Variants in RABEPK observed in about 807,000 individuals in gnomAD.
The protein encoded by RABEPK is Rab9 effector protein with kelch motifs.
RABEPK carries 27 observed loss-of-function variants against 34.1 expected under a neutral mutation model. The observed-to-expected ratio is 0.79, with a 90% confidence interval of 0.58 to 1.09. RABEPK has a LOEUF of 1.09. Among genes scored for constraint, RABEPK ranks in the 50% least tolerant of loss-of-function variants. The probability of loss-of-function intolerance (pLI) is 0.00; values close to 1 mark genes in which losing one functional copy is unlikely to be tolerated. For synonymous variants in RABEPK, 172 were observed against 169.2 expected (o/e 1.02, Z -0.13); for missense variants, 449 against 462.6 (o/e 0.97, Z 0.27).
intron 5 of RABEPK, among the ~76,000 whole-genome samples, chr9:125,222,573 G>A (rs768903473): frequency 1.3e-5 from 2 of 151,580 alleles, no homozygotes; most frequent in Non-Finnish European, 2.9e-5. Flanking sequence ...AATTAACTGG[G>A]CGTGGTGACG....
chr9:125,213,572 T>C (rs748037198), intron 4 of RABEPK, 50 bp downstream of exon 4: 2 of 1,430,694 alleles, frequency 1.4e-6, no homozygotes, highest in South Asian at 1.2e-5. Flanking sequence ...TAAACTTTCA[T>C]GCACACACAC....
Position 125,200,760 on chromosome 9 carries a change from C to T in RABEPK, c.-153C>T, listed in dbSNP as rs1442904382. Reference sequence around the variant, plus strand: ...ACCGAATCAGCCTGTTCTTTCCCGACCCCGTCTCCTATCCCCTAGAACTGC... The same window carrying T: ...ACCGAATCAGCCTGTTCTTTCCCGATCCCGTCTCCTATCCCCTAGAACTGC... On this transcript the variant is annotated 5_prime_UTR_variant, in exon 1 of 8. Transcript: ENST00000373538. 4.2e-6 allele frequency: 2 copies of T among 471,118 alleles called. No homozygotes were observed. The highest frequency in any genetic ancestry group is 8.8e-6 in the Non-Finnish European group (2 of 227,078). 29.2% of individuals were successfully genotyped at this position (471,118 alleles called of 1,614,324 possible). A position where few individuals can be genotyped will look rare whatever the true frequency, so the allele number is the denominator to read the frequency against.
At chr9:125,204,908 G>A (rs182585105) in intron 2 of RABEPK, among the ~76,000 whole-genome samples, 130 of 152,192 alleles carry the variant, frequency 8.5e-4, no homozygotes, top group Non-Finnish European at 1.6e-3. Flanking sequence ...GCTCATTATA[G>A]CCTCGACCTC....
intron 3 of RABEPK, among the ~76,000 whole-genome samples, chr9:125,212,532 A>G (rs1462338452): frequency 2.0e-5 from 3 of 151,844 alleles, no homozygotes; most frequent in Non-Finnish European, 4.4e-5. Context: ...GTTAGGTATT[A>G]CTATTCTGTG....
At chr9:125,201,892 G>A (rs111810394) in intron 1 of RABEPK, among the ~76,000 whole-genome samples, 63,923 of 150,178 alleles carry the variant, frequency 0.43, 13,985 homozygotes, top group African/African-American at 0.46. Context: ...GATTACAGGC[G>A]TGAGCCACTG....
chr9:125,232,659 C>G lies in RABEPK; in HGVS notation c.740C>G (p.Ser247Ter). The G allele has an allele frequency of 3.1e-6, 5 of 1,614,118 alleles. No homozygotes were observed. Among genetic ancestry groups the G allele is most frequent in the Non-Finnish European group, 4.2e-6 (5 of 1,179,938 alleles). Residue 247 changes from serine (S) to a stop codon, truncating the protein, a stop_gained, in exon 7 of 8, where the codon TCA becomes TGA. Transcript: ENST00000373538. LOFTEE classifies it high-confidence loss of function. ...GCTCCAGCAGGCTGTGCTGCCCACT[C>G]AGCTGTGGCCATGGGAAAACATGTG... ...GAAPAGCAAH[S>*]AVAMGKHVYI...
rs983390613 is a variant in RABEPK, at chr9:125,207,591, C to T, written c.81C>T (p.Ser27=). ...TWYTLTVPGD[S]PCARVGHSCS... ...ACACCTTGACTGTCCCTGGAGACAG[C>T]CCCTGTGCTCGAGTTGGCCACAGCT... The change falls in exon 3 of 8, where the codon AGC becomes AGT. Residue 27 remains serine, a synonymous_variant. Coordinates refer to ENST00000373538, the MANE Select transcript of RABEPK (RefSeq NM_005833.4). 6.2e-7 allele frequency: 1 copy of T among 1,613,918 alleles called. No homozygotes were observed. Among genetic ancestry groups the T allele is most frequent in the African/African-American group, 1.3e-5 (1 of 74,918 alleles).
At chr9:125,229,267 A>T (rs1266921644) in intron 6 of RABEPK, among the ~76,000 whole-genome samples, 1 of 150,752 alleles carries the variant, frequency 6.6e-6, no homozygotes, top group African/African-American at 2.4e-5. Flanking sequence ...AAAAAAAAGA[A>T]AAAAAGAAAA....
Position 125,227,922 on chromosome 9 carries a change from G to A in RABEPK, c.539G>A (p.Trp180Ter), listed in dbSNP as rs763615704. The part of the protein sequence containing the change: ...LHVFDANTLT[W>*]SQPETLGNPP... The stretch of plus-strand genomic sequence containing the variant: ...TTTACTTTTCTAGACACTCTGACCT[G>A]GTCACAGCCAGAGACACTTGGAAAT... Residue 180 changes from tryptophan (W) to a stop codon, truncating the protein, a stop_gained, in exon 6 of 8, where the codon TGG becomes TAG. Transcript: ENST00000373538. LOFTEE classifies it high-confidence loss of function. The A allele has an allele frequency of 6.3e-7, 1 of 1,594,900 alleles. No individual in the cohort carries two copies. Among genetic ancestry groups the A allele is most frequent in the South Asian group, 1.1e-5 (1 of 88,490 alleles).
At position 125,207,712 on chromosome 9, in the gene RABEPK, A is replaced by G. The variant is rs1195159644; in HGVS notation, c.202A>G (p.Met68Val). 1.2e-5 allele frequency: 20 copies of G among 1,614,122 alleles called. No homozygotes were observed. The Middle Eastern group carries it at 6.6e-4, about 53-fold the overall frequency. Reference sequence around the variant, plus strand: ...CAGAAGCTTCTCAGACGTGCACACCATGGATCTGGGTAAGATCAGCAGCTG... The same window carrying G: ...CAGAAGCTTCTCAGACGTGCACACCGTGGATCTGGGTAAGATCAGCAGCTG... ...PNRSFSDVHT[M>V]DLGKHQWDLD... is the part of the protein sequence containing the mutation. The change falls in exon 3 of 8, where the codon ATG becomes GTG. Residue 68 changes from methionine to valine, a missense_variant. Transcript: ENST00000373538.
At chr9:125,213,594 T>A (rs1830728050) in intron 4 of RABEPK, 72 bp downstream of exon 4, 1 of 1,249,440 alleles carries the variant, frequency 8.0e-7, no homozygotes, top group Non-Finnish European at 1.1e-6. Context: ...CACATATATA[T>A]AAATCCAATT....
intron 4 of RABEPK, among the ~76,000 whole-genome samples, chr9:125,214,334 C>T (rs994574587): frequency 6.6e-6 from 1 of 151,928 alleles, no homozygotes; most frequent in Non-Finnish European, 1.5e-5. Context: ...GGGTAGAGGC[C>T]AGATATGCTG....
chr9:125,228,215 C>T (rs1306759865), intron 6 of RABEPK, among the ~76,000 whole-genome samples, 156 bp downstream of exon 6: 4 of 152,154 alleles, frequency 2.6e-5, no homozygotes, highest in Admixed American at 2.0e-4. Flanking sequence ...CCTACCTCAT[C>T]CTCCGCAGTA....
intron 6 of RABEPK, among the ~76,000 whole-genome samples, chr9:125,230,089 G>C (rs764326400): frequency 6.6e-6 from 1 of 151,988 alleles, no homozygotes; most frequent in Non-Finnish European, 1.5e-5. Flanking sequence ...TCAGCCTCCC[G>C]GGTAGCTGGG....
chr9:125,202,103 T>A (rs964523710), intron 1 of RABEPK, among the ~76,000 whole-genome samples: 1 of 151,878 alleles, frequency 6.6e-6, no homozygotes, highest in South Asian at 2.1e-4. Context: ...AGTCCCAGCT[T>A]ACTCTGGAGG....
Position 125,220,609 on chromosome 9 carries a change from G to T in RABEPK, c.435G>T (p.Ser145=). The change falls in exon 5 of 8, where the codon TCG becomes TCT. Residue 145 remains serine, a synonymous_variant. Coordinates refer to ENST00000373538, the MANE Select transcript of RABEPK (RefSeq NM_005833.4). ...PPSPRTFHTS[S]AAIGNQLYVF... The stretch of plus-strand genomic sequence containing the variant: ...CCCCAAGAACATTCCACACATCATC[G>T]GCAGCCATTGGAAACCAGCTATATG... 3 of 1,614,166 alleles carry T rather than the reference G, an allele frequency of 1.9e-6. No homozygotes were observed. The highest frequency in any genetic ancestry group is 2.5e-6 in the Non-Finnish European group (3 of 1,180,026).
chr9:125,209,977 A>C (rs867107061), intron 3 of RABEPK, among the ~76,000 whole-genome samples: 2 of 152,086 alleles, frequency 1.3e-5, no homozygotes, highest in African/African-American at 4.8e-5. Flanking sequence ...CGTCTGCCCC[A>C]CAAGAACATA....
At chr9:125,229,305 C>T (rs771633244) in intron 6 of RABEPK, among the ~76,000 whole-genome samples, 16 of 151,526 alleles carry the variant, frequency 1.1e-4, no homozygotes, top group Non-Finnish European at 2.2e-4. Flanking sequence ...TGGTGACAGG[C>T]ACCTGTAGTC....
chr9:125,233,769 G>T lies in RABEPK; in HGVS notation c.908G>T (p.Trp303Leu). The change falls in exon 8 of 8, where the codon TGG becomes TTG. Residue 303 changes from tryptophan to leucine, a missense_variant. Coordinates refer to ENST00000373538, the MANE Select transcript of RABEPK (RefSeq NM_005833.4). ...RLDHSMCIIP[W>L]PVTCASEKED... ...GACCATTCCATGTGTATCATTCCAT[G>T]GCCAGTGACGTGTGCTTCTGAGAAA... is the stretch of plus-strand genomic sequence containing the variant. 1 of 1,613,922 alleles carries T rather than the reference G, an allele frequency of 6.2e-7. No homozygotes were observed. Among genetic ancestry groups the T allele is most frequent in the African/African-American group, 1.3e-5 (1 of 75,010 alleles).
Sources: allele counts gnomAD v4.1 joint callset (sites outside exome capture counted in the v4.1 genomes callset), GRCh38; gene constraint gnomAD v4.1.1; transcripts MANE v1.5; gene names NCBI Gene and HGNC (gene_info 2026-07-23, HGNC 2026-07-21).